MMP16: variants seen among roughly 807,000 people sequenced by gnomAD.
MMP16 encodes matrix metallopeptidase 16, also known as matrix metalloproteinase-16.
Under a neutral mutation model 67.8 loss-of-function variants are expected in MMP16, and 12 were observed. The observed-to-expected ratio is 0.18, with a 90% CI of 0.11 to 0.29. MMP16 has a LOEUF of 0.29. MMP16 is among the 10% of genes least tolerant of loss of function. MMP16 has a pLI of 1.00. For synonymous variants in MMP16, 249 were observed against 255.9 expected (o/e 0.97, Z 0.26); for missense variants, 475 against 765.7 (o/e 0.62, Z 4.48).
intron 6 of MMP16, among the ~76,000 whole-genome samples, chr8:88,081,193 A>G (rs922371772): frequency 1.3e-5 from 2 of 152,118 alleles, no homozygotes; most frequent in Non-Finnish European, 2.9e-5. Context: ...ATTTCAGAAC[A>G]CTGCCCTTCT....
intron 6 of MMP16, among the ~76,000 whole-genome samples, chr8:88,088,208 G>T (rs1467082556): frequency 6.7e-6 from 1 of 150,012 alleles, no homozygotes; most frequent in Non-Finnish European, 1.5e-5. Flanking sequence ...GTGAGCAAAT[G>T]GTTGTGTTAA....
intron 1 of MMP16, among the ~76,000 whole-genome samples, chr8:88,303,446 T>C (rs1245204207): frequency 1.3e-5 from 2 of 152,208 alleles, no homozygotes; most frequent in Non-Finnish European, 2.9e-5. Context: ...GCAGCACAGC[T>C]GTGCCACCAA....
At chr8:88,187,158 A>G (rs1486604761) in intron 2 of MMP16, among the ~76,000 whole-genome samples, 1 of 152,202 alleles carries the variant, frequency 6.6e-6, no homozygotes, top group Non-Finnish European at 1.5e-5. Flanking sequence ...ATTTCCAAGT[A>G]GCAGCCACTT....
At chr8:88,213,174 C>A (rs914592993) in intron 1 of MMP16, among the ~76,000 whole-genome samples, 1 of 152,206 alleles carries the variant, frequency 6.6e-6, no homozygotes, top group Middle Eastern at 3.4e-3. Context: ...AATTCTTTAG[C>A]AGTATCACTG....
chr8:88,110,972 T>C (rs1809324529), intron 6 of MMP16, among the ~76,000 whole-genome samples: 1 of 151,682 alleles, frequency 6.6e-6, no homozygotes, highest in Non-Finnish European at 1.5e-5. Context: ...TCAGATATAC[T>C]TAGCAAATAT....
intron 1 of MMP16, among the ~76,000 whole-genome samples, chr8:88,247,138 G>GCACGCC (rs1395685286): frequency 2.0e-5 from 3 of 152,078 alleles, no homozygotes; most frequent in African/African-American, 7.2e-5. Flanking sequence ...CAGGGTAGGG[G>GCACGCC]CACGGTCAAC....
At chr8:88,071,679 G>A (rs1484176276) in intron 7 of MMP16, among the ~76,000 whole-genome samples, 1 of 152,160 alleles carries the variant, frequency 6.6e-6, no homozygotes, top group Non-Finnish European at 1.5e-5. Flanking sequence ...ACAGGTTGGG[G>A]CTTGAATCTT....
chr8:88,125,256 T>C (rs905954516), intron 4 of MMP16, among the ~76,000 whole-genome samples: 1 of 151,702 alleles, frequency 6.6e-6, no homozygotes, highest in Non-Finnish European at 1.5e-5. Flanking sequence ...ATAAGTATAG[T>C]ACACAGAACT....
intron 4 of MMP16, among the ~76,000 whole-genome samples, chr8:88,134,373 A>G (rs538762037): frequency 7.2e-5 from 11 of 151,850 alleles, no homozygotes; most frequent in African/African-American, 2.4e-4. Flanking sequence ...AGTAAGGTTT[A>G]ATTCAACTTC....
intron 8 of MMP16, among the ~76,000 whole-genome samples, chr8:88,048,754 T>C (rs549299316): frequency 1.2e-4 from 19 of 152,326 alleles, no homozygotes; most frequent in African/African-American, 4.3e-4. Flanking sequence ...TCTATGGTGA[T>C]CTACTAAAGC....
At chr8:88,222,919 T>C (rs1383529316) in intron 1 of MMP16, among the ~76,000 whole-genome samples, 2 of 152,102 alleles carry the variant, frequency 1.3e-5, no homozygotes, top group Non-Finnish European at 2.9e-5. Context: ...ACCTACAGAA[T>C]GGGAGAAAAT....
intron 1 of MMP16, among the ~76,000 whole-genome samples, chr8:88,305,115 T>C (rs565323765): frequency 1.3e-5 from 2 of 151,752 alleles, no homozygotes; most frequent in South Asian, 4.2e-4. Context: ...ACCAAACAAA[T>C]GGAAAACAAA....
At chr8:88,196,607 G>T (rs1173824920) in intron 2 of MMP16, among the ~76,000 whole-genome samples, 1 of 152,166 alleles carries the variant, frequency 6.6e-6, no homozygotes, top group Non-Finnish European at 1.5e-5. Context: ...GAAATTGAAA[G>T]AAGTAACTTT....
At chr8:88,156,912 T>C (rs1190979789) in intron 4 of MMP16, among the ~76,000 whole-genome samples, 1 of 152,096 alleles carries the variant, frequency 6.6e-6, no homozygotes, top group Non-Finnish European at 1.5e-5. Context: ...TATGTATGAA[T>C]TATGATTAAG....
At chr8:88,089,501 G>A (rs1164352994) in intron 6 of MMP16, among the ~76,000 whole-genome samples, 1 of 151,920 alleles carries the variant, frequency 6.6e-6, no homozygotes, top group Admixed American at 6.6e-5. Flanking sequence ...ACTACACAAT[G>A]TGATATGAAA....
chr8:88,175,658 T>C (rs1159358046), intron 3 of MMP16, among the ~76,000 whole-genome samples: 2 of 152,190 alleles, frequency 1.3e-5, no homozygotes, highest in Non-Finnish European at 2.9e-5. Context: ...CATTATTTTT[T>C]CCATTATCTT....
chr8:88,107,919 C>G (rs1159109347), intron 6 of MMP16, among the ~76,000 whole-genome samples: 1 of 151,100 alleles, frequency 6.6e-6, no homozygotes, highest in Non-Finnish European at 1.5e-5. Context: ...TAATGTCTCT[C>G]TTTCTCATAT....
intron 4 of MMP16, among the ~76,000 whole-genome samples, chr8:88,148,008 T>A (rs150496634): frequency 2.7e-4 from 41 of 152,300 alleles, no homozygotes; most frequent in African/African-American, 9.6e-4. Flanking sequence ...ATTTCCTATC[T>A]TTTTTACTCT....
At chr8:88,055,379 T>C (rs1260015601) in intron 8 of MMP16, among the ~76,000 whole-genome samples, 1 of 152,150 alleles carries the variant, frequency 6.6e-6, no homozygotes, top group Non-Finnish European at 1.5e-5. Context: ...GGCTAATTTT[T>C]ATATTTTTAG....
Sources: allele counts gnomAD v4.1 joint callset (sites outside exome capture counted in the v4.1 genomes callset), GRCh38; gene constraint gnomAD v4.1.1; transcripts MANE v1.5; gene names NCBI Gene and HGNC (gene_info 2026-07-23, HGNC 2026-07-21).